The following DCLK1 variants were observed in gnomAD, a reference collection of about 807,000 sequenced individuals.
DCLK1 encodes the protein serine/threonine-protein kinase DCLK1.
In DCLK1, 16 loss-of-function variants were observed where a neutral mutation model predicts 86.2. The observed-to-expected ratio is 0.19, with a 90% CI of 0.13 to 0.28. The LOEUF (loss-of-function observed/expected upper bound fraction) is 0.28, where lower values mean the gene tolerates loss of function less well. Among genes scored for constraint, DCLK1 ranks in the 10% least tolerant of loss-of-function variants. The pLI, the probability that DCLK1 is intolerant of heterozygous loss-of-function variation, is 1.00. For missense variants in DCLK1, 590 were observed against 940.2 expected (o/e 0.63, Z 4.87); for synonymous variants, 369 against 370.5 (o/e 1.00, Z 0.05).
At chr13:35,822,640 A>T (rs1447547433) in intron 11 of DCLK1, 89 bp downstream of exon 11, 19 of 1,570,650 alleles carry the variant, frequency 1.2e-5, no homozygotes, top group Non-Finnish European at 1.5e-5. Flanking sequence ...GTAAATTTTT[A>T]AAAAAAGAAA....
At chr13:35,947,504 TTACAACAA>T in intron 3 of DCLK1, 47 bp from the exon 4 acceptor site, 1 of 1,506,250 alleles carries the variant, frequency 6.6e-7, no homozygotes, top group South Asian at 1.1e-5. Context: ...AGAACAGCAA[TTACAACAA>T]TGCAACCCCA....
Position 36,112,175 on chromosome 13 carries a change from T to C in DCLK1, c.417A>G (p.Lys139=). Residue 139 remains lysine, a synonymous_variant, in exon 3 of 17, where the codon AAA becomes AAG. Coordinates refer to ENST00000360631, the MANE Select transcript of DCLK1 (RefSeq NM_001330071.2). ...YVCGSIEPFK[K]LEYTKNVNPN... Reference sequence around the variant, plus strand: ...GGTTCACATTCTTGGTGTACTCCAGTTTCTTGAAGGGCTCTATGGAGCCAC... The same window carrying C: ...GGTTCACATTCTTGGTGTACTCCAGCTTCTTGAAGGGCTCTATGGAGCCAC... 6.2e-7 allele frequency: 1 copy of C among 1,604,960 alleles called. No individual in the cohort carries two copies. Among genetic ancestry groups the C allele is most frequent in the South Asian group, 1.1e-5 (1 of 90,952 alleles).
chr13:35,995,202 A>T (rs1880416657), intron 3 of DCLK1, among the ~76,000 whole-genome samples: 1 of 152,196 alleles, frequency 6.6e-6, no homozygotes, highest in African/African-American at 2.4e-5. Flanking sequence ...TTTCTTTTTC[A>T]CCTCAAATTA....
At chr13:35,922,718 C>T (rs896686951) in intron 4 of DCLK1, among the ~76,000 whole-genome samples, 3 of 152,122 alleles carry the variant, frequency 2.0e-5, no homozygotes, top group African/African-American at 7.2e-5. Context: ...GGCATAAATC[C>T]TGGTTGAAGA....
chr13:36,099,924 T>A (rs1157578301), intron 3 of DCLK1, among the ~76,000 whole-genome samples: 1 of 152,154 alleles, frequency 6.6e-6, no homozygotes, highest in East Asian at 1.9e-4. Context: ...TCCCTTTTCC[T>A]ATAAACTGTT....
intron 3 of DCLK1, among the ~76,000 whole-genome samples, chr13:36,065,322 A>T (rs1018380037): frequency 1.3e-5 from 2 of 152,228 alleles, no homozygotes; most frequent in East Asian, 3.8e-4. Context: ...GCACAGAATA[A>T]GGACTCTGTA....
intron 3 of DCLK1, among the ~76,000 whole-genome samples, chr13:36,103,946 C>T (rs1196045190): frequency 2.0e-5 from 3 of 152,196 alleles, no homozygotes; most frequent in African/African-American, 4.8e-5. Flanking sequence ...ACTCAGACGG[C>T]GAGATGTTTC....
intron 7 of DCLK1, among the ~76,000 whole-genome samples, chr13:35,837,439 C>A (rs1869468153): frequency 6.6e-6 from 1 of 152,106 alleles, no homozygotes; most frequent in South Asian, 2.1e-4. Context: ...TGCAGCCAAT[C>A]CCCCTAACCC....
At chr13:35,785,340 G>A (rs1341672350) in intron 16 of DCLK1, among the ~76,000 whole-genome samples, 8 of 152,086 alleles carry the variant, frequency 5.3e-5, no homozygotes, top group African/African-American at 4.8e-5. Flanking sequence ...AAAATATAAC[G>A]GGATGCAAAT....
chr13:35,878,576 A>C (rs1299201838), intron 4 of DCLK1, among the ~76,000 whole-genome samples: 2 of 152,200 alleles, frequency 1.3e-5, no homozygotes, highest in Non-Finnish European at 2.9e-5. Context: ...GAAAAAATGA[A>C]TAAGATCTAG....
chr13:36,057,928 A>T (rs1883397014), intron 3 of DCLK1, among the ~76,000 whole-genome samples: 1 of 152,182 alleles, frequency 6.6e-6, no homozygotes, highest in South Asian at 2.1e-4. Context: ...GCATACTATG[A>T]CTTCTGCCCT....
At chr13:36,101,564 G>A (rs1405999232) in intron 3 of DCLK1, among the ~76,000 whole-genome samples, 14 of 152,056 alleles carry the variant, frequency 9.2e-5, no homozygotes, top group Non-Finnish European at 1.9e-4. Context: ...TCAGTCTCCT[G>A]AGCAGCTCTT....
At position 35,988,717 on chromosome 13, in the gene DCLK1, A is replaced by G. The variant is rs569868043; in HGVS notation, c.724-41260T>C. On this transcript the variant is annotated intron_variant, in intron 3 of 16. Coordinates refer to ENST00000360631, the MANE Select transcript of DCLK1 (RefSeq NM_001330071.2). ...CTGGTGACTCCTCACTGTCTTCTGA[A>G]ATACTAGTGTGTCTTGACAAATAGC... Among the ~76,000 whole-genome samples the G allele has an allele frequency of 2.0e-5, 3 of 152,280 alleles. No homozygotes were observed. The South Asian group carries it at 6.2e-4, about 32-fold the overall frequency.
In DCLK1 at chr13:35,822,857, C is replaced by T; in HGVS notation, c.1426G>A (p.Ala476Thr). 1 of 1,613,608 alleles carries T rather than the reference C, an allele frequency of 6.2e-7. No individual in the cohort carries two copies. Among genetic ancestry groups the T allele is most frequent in the Non-Finnish European group, 8.5e-7 (1 of 1,179,918 alleles). ...GTGTATTTGTTAGTGGAAGTAATGG[C>T]ATCAAAAAGGTCTCCCCCCTGAGAA... ...ELVKGGDLFD[A>T]ITSTNKYTER... is the part of the protein sequence containing the mutation. The change falls in exon 11 of 17, where the codon GCC becomes ACC. Residue 476 changes from alanine to threonine, a missense_variant. This residue lies in a region of DCLK1 where 108 missense variants were observed against 195.7 expected (regional missense o/e 0.55). Coordinates refer to ENST00000360631, the MANE Select transcript of DCLK1 (RefSeq NM_001330071.2).
chr13:35,931,800 G>A (rs188830143), intron 4 of DCLK1, among the ~76,000 whole-genome samples: 10 of 152,230 alleles, frequency 6.6e-5, no homozygotes, highest in Admixed American at 2.0e-4. Flanking sequence ...TAATAATTCA[G>A]CTAATATTTC....
At chr13:36,116,563 T>C (rs1011917984) in intron 2 of DCLK1, among the ~76,000 whole-genome samples, 1 of 152,110 alleles carries the variant, frequency 6.6e-6, no homozygotes, top group African/African-American at 2.4e-5. Flanking sequence ...TAAGAGTAAA[T>C]TCCAGTTCTG....
At chr13:36,081,276 T>C (rs1443621340) in intron 3 of DCLK1, among the ~76,000 whole-genome samples, 1 of 152,132 alleles carries the variant, frequency 6.6e-6, no homozygotes, top group Non-Finnish European at 1.5e-5. Context: ...TAACATCTCA[T>C]TAAATACTGT....
At chr13:35,889,429 G>A (rs1873498273) in intron 4 of DCLK1, among the ~76,000 whole-genome samples, 1 of 152,140 alleles carries the variant, frequency 6.6e-6, no homozygotes, top group Non-Finnish European at 1.5e-5. Flanking sequence ...TCTCCCTGCT[G>A]TGTCACACAG....
intron 4 of DCLK1, among the ~76,000 whole-genome samples, chr13:35,904,720 G>A (rs935383934): frequency 2.0e-5 from 3 of 152,210 alleles, no homozygotes; most frequent in Non-Finnish European, 2.9e-5. Flanking sequence ...CTGGTACAGT[G>A]AAGACCAAGC....
Sources: gnomAD v4.1 joint callset for allele counts (sites outside exome capture counted in the v4.1 genomes callset) on GRCh38, gnomAD v4.1.1 for gene constraint, gnomAD v4.1.1 regional missense constraint, MANE v1.5 for transcripts, NCBI Gene and HGNC (gene_info 2026-07-23, HGNC 2026-07-21) for gene names.